The following PLXDC2 variants were observed in gnomAD, a reference collection of about 807,000 sequenced individuals.
The protein encoded by PLXDC2 is plexin domain-containing protein 2.
In PLXDC2, 40 loss-of-function variants were observed where a neutral mutation model predicts 68.9. The observed-to-expected ratio is 0.58, with a 90% CI of 0.45 to 0.76. The LOEUF is 0.76. Ranked by LOEUF, PLXDC2 falls within the 30% of genes least tolerant of loss-of-function variation. PLXDC2 has a pLI of 0.00. For missense variants in PLXDC2, 644 were observed against 661.9 expected (o/e 0.97, Z 0.30); for synonymous variants, 243 against 234.2 (o/e 1.04, Z -0.34).
chr10:20,252,262 G>A (rs1439993379), intron 13 of PLXDC2, among the ~76,000 whole-genome samples: 1 of 152,112 alleles, frequency 6.6e-6, no homozygotes, highest in Non-Finnish European at 1.5e-5. Context: ...GACTAGTCTA[G>A]AACAAGTTAT....
At chr10:19,959,712 C>T (rs1834125419) in intron 1 of PLXDC2, among the ~76,000 whole-genome samples, 1 of 152,158 alleles carries the variant, frequency 6.6e-6, no homozygotes, top group Admixed American at 6.5e-5. Context: ...AACTCCTCTC[C>T]TGGGAGTGCC....
chr10:20,211,858 C>A, intron 10 of PLXDC2, 129 bp downstream of exon 10: 1 of 830,222 alleles, frequency 1.2e-6, no homozygotes, highest in Non-Finnish European at 1.8e-6. Flanking sequence ...CTTCTATAAG[C>A]CCAATGTCTG....
In PLXDC2 at chr10:20,006,882, C is replaced by T. The variant is rs188390774; in HGVS notation, c.324+4896C>T. Among the ~76,000 whole-genome samples, 563 of 152,252 alleles carry T rather than the reference C, an allele frequency of 3.7e-3. 3 individuals carry two copies. The highest frequency in any genetic ancestry group is 6.5e-3 in the Admixed American group (99 of 15,282). On this transcript the variant is annotated intron_variant, in intron 2 of 13. Coordinates refer to ENST00000377252, the MANE Select transcript of PLXDC2 (RefSeq NM_032812.9). ...CAGGGGCCCAACAGATGGCAAATGC[C>T]GCTATTGATCTGAATGTTGATTTCT...
At chr10:20,213,483 T>C (rs61854645) in intron 10 of PLXDC2, among the ~76,000 whole-genome samples, 26,261 of 152,050 alleles carry the variant, frequency 0.17, 2,974 homozygotes, top group Non-Finnish European at 0.24. Flanking sequence ...TTTTTCTTCT[T>C]CACAAGTGTT....
intron 4 of PLXDC2, among the ~76,000 whole-genome samples, chr10:20,102,058 A>G (rs1388397272): frequency 1.3e-5 from 2 of 152,064 alleles, no homozygotes; most frequent in Non-Finnish European, 2.9e-5. Context: ...CGCCTCGCCT[A>G]TCAAAGTGCT....
At chr10:19,887,475 TCG>T (rs1167514404) in intron 1 of PLXDC2, among the ~76,000 whole-genome samples, 1 of 152,082 alleles carries the variant, frequency 6.6e-6, no homozygotes, top group Non-Finnish European at 1.5e-5. Flanking sequence ...TGAGCTGAGA[TCG>T]CGCCACTGCT....
intron 1 of PLXDC2, among the ~76,000 whole-genome samples, chr10:19,997,711 G>C (rs1271003631): frequency 6.6e-6 from 1 of 152,100 alleles, no homozygotes; most frequent in East Asian, 1.9e-4. Context: ...ACAAAAAAGA[G>C]ACCTGCAAGA....
rs552375688 is a variant in PLXDC2 at position 20,118,735 on chromosome 10, G to T, written c.542-24560G>T. 1.7e-3 allele frequency among the ~76,000 whole-genome samples: 258 copies of T among 152,222 alleles called. 1 individual carries two copies. Among genetic ancestry groups the T allele is most frequent in the African/African-American group, 5.2e-3 (214 of 41,528 alleles). On this transcript the variant is annotated intron_variant, in intron 4 of 13. Coordinates refer to ENST00000377252, the MANE Select transcript of PLXDC2 (RefSeq NM_032812.9). The stretch of plus-strand genomic sequence containing the variant: ...AAAGAAGAGAAACTAAACATTTAAT[G>T]ATAAACCACCATATTCCAGGGACAG...
chr10:19,819,872 T>C (rs1836430768), intron 1 of PLXDC2, among the ~76,000 whole-genome samples: 1 of 152,228 alleles, frequency 6.6e-6, no homozygotes, highest in African/African-American at 2.4e-5. Flanking sequence ...TCTGTTTACA[T>C]ATAAACCTAG....
At chr10:20,029,726 G>T (rs1347742658) in intron 2 of PLXDC2, among the ~76,000 whole-genome samples, 1 of 152,134 alleles carries the variant, frequency 6.6e-6, no homozygotes, top group Non-Finnish European at 1.5e-5. Flanking sequence ...TGCAAAATCA[G>T]CAAAACCATA....
At chr10:19,878,944 C>G (rs1046576444) in intron 1 of PLXDC2, among the ~76,000 whole-genome samples, 2 of 152,164 alleles carry the variant, frequency 1.3e-5, no homozygotes, top group African/African-American at 4.8e-5. Context: ...CAGAGGGTTT[C>G]TCCTCCACAA....
At chr10:20,162,063 AGAGAGAGAGAAGGAAGGAAGGAAGGAAG>A (rs1834302813) in intron 6 of PLXDC2, among the ~76,000 whole-genome samples, 3 of 70,540 alleles carry the variant, frequency 4.3e-5, no homozygotes, top group African/African-American at 1.5e-4. Context: ...AGAGAGAGAG[AGAGAGAGAGAAGGAAGGAAGGAAGGAAG>A]GAAGGAAGGA....
intron 13 of PLXDC2, among the ~76,000 whole-genome samples, chr10:20,258,553 A>G (rs1325159382): frequency 6.6e-6 from 1 of 152,162 alleles, no homozygotes; most frequent in Non-Finnish European, 1.5e-5. Context: ...CAATATCTTT[A>G]TAGTAAAACT....
chr10:20,245,449 G>A lies in PLXDC2; in HGVS notation c.1417G>A (p.Val473Met). Residue 473 changes from valine (V) to methionine (M), a missense_variant, in exon 13 of 14, where the codon GTG becomes ATG. This residue lies in a region of PLXDC2 where 330 missense variants were observed against 327.9 expected (regional missense o/e 1.01). Transcript: ENST00000377252. ...LVLIVATAIL[V>M]TVYMYHHPTS... ...CCTCATTGTAGCCACAGCCATTCTT[G>A]TGACAGTCTATATGTATCACCACCC... 6.2e-7 allele frequency: 1 copy of A among 1,613,496 alleles called. No homozygotes were observed. The highest frequency in any genetic ancestry group is 2.2e-5 in the East Asian group (1 of 44,868).
intron 1 of PLXDC2, among the ~76,000 whole-genome samples, chr10:19,827,977 A>T (rs1458727626): frequency 6.6e-6 from 1 of 152,186 alleles, no homozygotes; most frequent in African/African-American, 2.4e-5. Flanking sequence ...CCATACATCT[A>T]ATTGTTTCCT....
chr10:20,125,715 G>A (rs904338784), intron 4 of PLXDC2, among the ~76,000 whole-genome samples: 5 of 151,972 alleles, frequency 3.3e-5, no homozygotes, highest in Non-Finnish European at 7.4e-5. Context: ...GTGTTGTTTC[G>A]AGCAATTGCA....
chr10:19,875,394 A>G (rs1056268101), intron 1 of PLXDC2, among the ~76,000 whole-genome samples: 2 of 152,232 alleles, frequency 1.3e-5, no homozygotes, highest in Non-Finnish European at 2.9e-5. Flanking sequence ...AAGAATAACA[A>G]TCCAAGAGGT....
At chr10:19,851,747 G>A (rs866468625) in intron 1 of PLXDC2, among the ~76,000 whole-genome samples, 1 of 151,992 alleles carries the variant, frequency 6.6e-6, no homozygotes, top group Admixed American at 6.6e-5. Context: ...CTGGTTTGAC[G>A]GTGTTGGCCA....
In PLXDC2 at chr10:20,105,326, C is replaced by T. The variant is rs555226065; in HGVS notation, c.541+37087C>T. On this transcript the variant is annotated intron_variant, in intron 4 of 13. Coordinates refer to ENST00000377252, the MANE Select transcript of PLXDC2 (RefSeq NM_032812.9). The stretch of plus-strand genomic sequence containing the variant: ...TTGGACTGGCTTGAAGATATAACCA[C>T]AATGTACAATGTCATTTCCATGGAA... Among the ~76,000 whole-genome samples, 48 of 152,294 alleles carry T rather than the reference C, an allele frequency of 3.2e-4. 1 individual carries two copies. The South Asian group carries it at 8.7e-3, about 28-fold the overall frequency.
Sources: gnomAD v4.1 joint callset for allele counts (sites outside exome capture counted in the v4.1 genomes callset) on GRCh38, gnomAD v4.1.1 for gene constraint, gnomAD v4.1.1 regional missense constraint, MANE v1.5 for transcripts, NCBI Gene and HGNC (gene_info 2026-07-23, HGNC 2026-07-21) for gene names.